The following PCDH15 variants were observed in gnomAD, a reference collection of about 807,000 sequenced individuals.
PCDH15 encodes the protein protocadherin-15.
In PCDH15, 129 loss-of-function variants were observed where a neutral mutation model predicts 178.5. The observed-to-expected ratio is 0.72, with a 90% CI of 0.63 to 0.84. The LOEUF (loss-of-function observed/expected upper bound fraction) is 0.84, where lower values mean the gene tolerates loss of function less well. Ranked by LOEUF, PCDH15 falls within the 40% of genes least tolerant of loss-of-function variation. The pLI is 0.00. For missense variants in PCDH15, 2,230 were observed against 2,099.9 expected, an observed-to-expected ratio of 1.06 and a Z score of -1.21; for synonymous variants, 800 against 732.0, an observed-to-expected ratio of 1.09 and a Z score of -1.50.
intron 21 of PCDH15, among the ~76,000 whole-genome samples, chr10:53,981,460 C>T (rs926797217): frequency 3.3e-5 from 5 of 152,042 alleles, no homozygotes; most frequent in Admixed American, 2.6e-4. Flanking sequence ...GGTACTGGTA[C>T]CAAAACAGAG....
chr10:54,278,918 A>G (rs116465555), intron 8 of PCDH15, among the ~76,000 whole-genome samples: 1 of 151,534 alleles, frequency 6.6e-6, no homozygotes, highest in Non-Finnish European at 1.5e-5. Flanking sequence ...AACCTACCGC[A>G]TCCTTAGTTT....
At chr10:54,035,563 A>G (rs1432227371) in intron 18 of PCDH15, among the ~76,000 whole-genome samples, 10 of 151,900 alleles carry the variant, frequency 6.6e-5, no homozygotes, top group Non-Finnish European at 1.5e-4. Context: ...ATGGTCCAAG[A>G]TGAGATGGTG....
chr10:54,621,468 C>T (rs1225467671), intron 2 of PCDH15, among the ~76,000 whole-genome samples: 11 of 151,860 alleles, frequency 7.2e-5, no homozygotes, highest in Non-Finnish European at 1.5e-4. Flanking sequence ...CCTTGGAGTC[C>T]CGTTGTTCTG....
chr10:54,329,459 A>G, intron 7 of PCDH15, 137 bp downstream of exon 7: 2 of 659,260 alleles, frequency 3.0e-6, no homozygotes, highest in Non-Finnish European at 5.4e-6. Context: ...AGAGTATTAT[A>G]TATAAACACC....
At chr10:54,072,162 ATATC>A (rs1221434360) in intron 17 of PCDH15, among the ~76,000 whole-genome samples, 1 of 152,150 alleles carries the variant, frequency 6.6e-6, no homozygotes, top group Non-Finnish European at 1.5e-5. Flanking sequence ...CTTCACTACT[ATATC>A]TAAAATTCTT....
chr10:54,786,129 G>A (rs889972279), intron 1 of PCDH15, among the ~76,000 whole-genome samples: 1 of 151,912 alleles, frequency 6.6e-6, no homozygotes, highest in African/African-American at 2.4e-5. Context: ...CATAATCACC[G>A]TCAGTTATAA....
intron 1 of PCDH15, among the ~76,000 whole-genome samples, chr10:55,219,110 G>A (rs1010001268): frequency 1.3e-5 from 2 of 151,860 alleles, no homozygotes; most frequent in South Asian, 2.1e-4. Context: ...AGGGGCCTTA[G>A]ATCAAAATTC....
chr10:55,596,160 C>A (rs561725199), intron 2 of PCDH15, among the ~76,000 whole-genome samples: 40 of 151,944 alleles, frequency 2.6e-4, no homozygotes, highest in Admixed American at 2.4e-3. Context: ...TATTACACCA[C>A]CATATAGACA....
intron 3 of PCDH15, among the ~76,000 whole-genome samples, chr10:54,871,348 C>G (rs1954036660): frequency 6.6e-6 from 1 of 150,630 alleles, no homozygotes; most frequent in Non-Finnish European, 1.5e-5. Context: ...TAATGAGGTT[C>G]TCATATATTA....
intron 2 of PCDH15, among the ~76,000 whole-genome samples, chr10:54,993,914 A>G (rs1839574002): frequency 6.6e-6 from 1 of 152,208 alleles, no homozygotes; most frequent in African/African-American, 2.4e-5. Flanking sequence ...AGCAATGACA[A>G]AAAGTGTTTC....
intron 2 of PCDH15, among the ~76,000 whole-genome samples, chr10:55,498,085 A>C (rs1217584710): frequency 6.6e-6 from 1 of 151,894 alleles, no homozygotes; most frequent in Non-Finnish European, 1.5e-5. Flanking sequence ...TCCTTATTCA[A>C]ATGTAAAATG....
At chr10:55,255,997 T>C (rs1363992414) in intron 1 of PCDH15, among the ~76,000 whole-genome samples, 1 of 152,192 alleles carries the variant, frequency 6.6e-6, no homozygotes, top group Non-Finnish European at 1.5e-5. Context: ...CCATTGCTTT[T>C]GGTGTTTTAG....
intron 2 of PCDH15, among the ~76,000 whole-genome samples, chr10:55,404,647 G>A (rs1838155352): frequency 6.6e-6 from 1 of 151,806 alleles, no homozygotes; most frequent in Non-Finnish European, 1.5e-5. Context: ...TATTTCTAAT[G>A]GCAAATATCT....
At chr10:55,250,377 G>A (rs890505385) in intron 1 of PCDH15, among the ~76,000 whole-genome samples, 2 of 151,110 alleles carry the variant, frequency 1.3e-5, no homozygotes, top group Non-Finnish European at 2.9e-5. Context: ...AAACTCCTGG[G>A]CTACAGCTAT....
intron 18 of PCDH15, among the ~76,000 whole-genome samples, chr10:54,040,673 C>A (rs946752839): frequency 1.3e-5 from 2 of 152,004 alleles, no homozygotes; most frequent in East Asian, 3.9e-4. Flanking sequence ...ATAAAGGGTA[C>A]TTGTTTAGGA....
intron 2 of PCDH15, among the ~76,000 whole-genome samples, chr10:54,989,414 G>T (rs1407841134): frequency 6.6e-6 from 1 of 152,182 alleles, no homozygotes; most frequent in East Asian, 1.9e-4. Context: ...CTAAATGCCA[G>T]GACATGAAAG....
At chr10:54,555,816 C>T (rs1304440879) in intron 2 of PCDH15, among the ~76,000 whole-genome samples, 1 of 151,188 alleles carries the variant, frequency 6.6e-6, no homozygotes, top group Admixed American at 6.6e-5. Flanking sequence ...CATATCACAC[C>T]TAATTTGGAC....
chr10:55,032,341 A>T (rs1186743372), intron 2 of PCDH15, among the ~76,000 whole-genome samples: 1 of 152,232 alleles, frequency 6.6e-6, no homozygotes, highest in Non-Finnish European at 1.5e-5. Context: ...ACAAAAAAAT[A>T]TCTCTTAGTA....
intron 5 of PCDH15, among the ~76,000 whole-genome samples, chr10:54,353,014 T>TTGTAAACA (rs1399080856): frequency 6.6e-6 from 1 of 152,176 alleles, no homozygotes; most frequent in African/African-American, 2.4e-5. Flanking sequence ...AATCCAGAGT[T>TTGTAAACA]GATTTTGTAA....
Sources: gnomAD v4.1 joint callset for allele counts (sites outside exome capture counted in the v4.1 genomes callset) on GRCh38, gnomAD v4.1.1 for gene constraint, MANE v1.5 for transcripts, NCBI Gene and HGNC (gene_info 2026-07-23, HGNC 2026-07-21) for gene names.